Variants in EYA1 observed in about 807,000 individuals in gnomAD.
EYA1 encodes protein phosphatase EYA1.
In EYA1, 16 loss-of-function variants were observed where a neutral mutation model predicts 82.0. The observed-to-expected ratio is 0.20, with a 90% confidence interval of 0.13 to 0.30. The LOEUF (loss-of-function observed/expected upper bound fraction) is 0.30. EYA1 is among the 10% of genes least tolerant of loss of function. The probability of loss-of-function intolerance (pLI) is 1.00; values close to 1 mark genes in which losing one functional copy is unlikely to be tolerated. For synonymous variants in EYA1, 261 were observed against 264.4 expected (o/e 0.99, Z 0.12); for missense variants, 633 against 730.7 (o/e 0.87, Z 1.54).
intron 4 of EYA1, among the ~76,000 whole-genome samples, chr8:71,325,410 T>C (rs560350299): frequency 3.9e-4 from 60 of 152,306 alleles, no homozygotes; most frequent in African/African-American, 1.3e-3. Flanking sequence ...GATGGTTACA[T>C]TCCTCTGCTA....
chr8:71,282,938 G>GTTT lies in EYA1; in HGVS notation c.827-11044_827-11042dup, dbSNP rs11330984. Among the ~76,000 whole-genome samples, 713 of 131,424 alleles carry GTTT rather than the reference G, an allele frequency of 5.4e-3. 11 individuals carry two copies. Among genetic ancestry groups the GTTT allele is most frequent in the South Asian group, 8.1e-3 (34 of 4,176 alleles). The allele number at this position is 131,424 out of a possible 152,430, so 86.2% of individuals were successfully genotyped here. Reference sequence around the variant, plus strand: ...GCTCTGATCTCTTCAACACCACCTTGTTTTTTTTTTTTTTTTGCCTTGTTG... The same window carrying GTTT: ...GCTCTGATCTCTTCAACACCACCTTGTTTTTTTTTTTTTTTTTTTGCCTTGTTG... On this transcript the variant is annotated intron_variant, in intron 9 of 17. Transcript: ENST00000340726.
chr8:71,433,093 C>G (rs952844194), intron 2 of EYA1, among the ~76,000 whole-genome samples: 3 of 152,168 alleles, frequency 2.0e-5, no homozygotes, highest in African/African-American at 7.2e-5. Context: ...AAATACCAAA[C>G]TGCCCACACT....
chr8:71,210,609 C>T (rs538932296), intron 17 of EYA1, among the ~76,000 whole-genome samples: 6 of 152,240 alleles, frequency 3.9e-5, no homozygotes, highest in East Asian at 1.9e-4. Context: ...ATGGGCAAAG[C>T]GGGAGTCAAG....
intron 2 of EYA1, among the ~76,000 whole-genome samples, chr8:71,450,590 G>A (rs1807281316): frequency 6.6e-6 from 1 of 152,122 alleles, no homozygotes; most frequent in South Asian, 2.1e-4. Flanking sequence ...AATATCAGAA[G>A]AATTAACAAA....
chr8:71,471,634 A>C (rs1346179291), intron 2 of EYA1, among the ~76,000 whole-genome samples: 2 of 152,072 alleles, frequency 1.3e-5, no homozygotes, highest in African/African-American at 4.8e-5. Flanking sequence ...AATGTTAATA[A>C]ATTTTAAAAT....
At chr8:71,298,969 T>G (rs1035533929) in intron 9 of EYA1, 78 bp downstream of exon 9, 14 of 1,445,558 alleles carry the variant, frequency 9.7e-6, no homozygotes, top group Middle Eastern at 1.8e-4. Flanking sequence ...AACCACTGCA[T>G]GAATATATGA....
At chr8:71,354,736 T>G in intron 3 of EYA1, 46 bp downstream of exon 3, 1 of 1,594,708 alleles carries the variant, frequency 6.3e-7, no homozygotes, top group Non-Finnish European at 8.6e-7. Context: ...CATATACTGA[T>G]GAAGAAACAA....
chr8:71,332,061 C>T (rs1002436483), intron 4 of EYA1, among the ~76,000 whole-genome samples: 1 of 152,076 alleles, frequency 6.6e-6, no homozygotes, highest in African/African-American at 2.4e-5. Flanking sequence ...CTGTGTTGTC[C>T]AGGCTGGCCT....
At chr8:71,479,612 ACTTT>A (rs1809963002) in intron 2 of EYA1, among the ~76,000 whole-genome samples, 1 of 130,108 alleles carries the variant, frequency 7.7e-6, no homozygotes, top group South Asian at 2.5e-4. Context: ...CCTTTAGAAC[ACTTT>A]CTTTATGAAA....
intron 2 of EYA1, among the ~76,000 whole-genome samples, chr8:71,488,773 T>C (rs747961982): frequency 6.6e-5 from 10 of 152,220 alleles, no homozygotes; most frequent in Non-Finnish European, 7.3e-5. Context: ...AAAGCACAGA[T>C]TCACAAGAAC....
intron 2 of EYA1, among the ~76,000 whole-genome samples, chr8:71,436,956 T>C (rs1806055103): frequency 6.6e-6 from 1 of 151,800 alleles, no homozygotes; most frequent in South Asian, 2.1e-4. Flanking sequence ...GTTAGAGACA[T>C]TTATATTTCA....
At chr8:71,459,503 T>C (rs1808208634) in intron 2 of EYA1, among the ~76,000 whole-genome samples, 1 of 152,194 alleles carries the variant, frequency 6.6e-6, no homozygotes, top group Non-Finnish European at 1.5e-5. Flanking sequence ...GTGCCTTGCT[T>C]CTCTTGTCTC....
chr8:71,455,220 G>A (rs866773872), intron 2 of EYA1, among the ~76,000 whole-genome samples: 1 of 151,992 alleles, frequency 6.6e-6, no homozygotes, highest in Non-Finnish European at 1.5e-5. Flanking sequence ...AAGTTGAATC[G>A]CTGAATAGAC....
chr8:71,469,326 T>C (rs967132701), intron 2 of EYA1, among the ~76,000 whole-genome samples: 11 of 152,112 alleles, frequency 7.2e-5, no homozygotes, highest in African/African-American at 2.4e-4. Flanking sequence ...CAAAGGTGTA[T>C]GCAAGCCCTC....
chr8:71,270,744 G>C (rs1385605022), intron 10 of EYA1, among the ~76,000 whole-genome samples: 1 of 152,118 alleles, frequency 6.6e-6, no homozygotes, highest in Admixed American at 6.5e-5. Context: ...CCCAAAATAT[G>C]TCTCATTAGA....
chr8:71,322,114 G>A, intron 5 of EYA1, 85 bp downstream of exon 5: 2 of 1,233,878 alleles, frequency 1.6e-6, no homozygotes, highest in Non-Finnish European at 2.4e-6. Context: ...AATTAAGATG[G>A]AACATGTGGG....
At position 71,215,691 on chromosome 8, in the gene EYA1, C is replaced by G; in HGVS notation, c.1398G>C (p.Gln466His). 1 of 1,614,166 alleles carries G rather than the reference C, an allele frequency of 6.2e-7. No individual in the cohort carries two copies. The highest frequency in any genetic ancestry group is 1.1e-5 in the South Asian group (1 of 91,086). Reference protein sequence around the residue: ...LGPAKREAWLQLRAEIEALTD... With the variant: ...LGPAKREAWLHLRAEIEALTD... ...TCAGGGCTTCAATTTCGGCCCTCAA[C>G]TGCAGCCAGGCTTCCCTCTTAGCTG... is the stretch of plus-strand genomic sequence containing the variant. Residue 466 changes from glutamine (Q) to histidine (H), a missense_variant, in exon 15 of 18, where the codon CAG (glutamine) becomes CAC (histidine). Transcript: ENST00000340726.
chr8:71,416,340 C>T (rs563635193), intron 2 of EYA1, among the ~76,000 whole-genome samples: 1 of 152,302 alleles, frequency 6.6e-6, no homozygotes, highest in East Asian at 1.9e-4. Context: ...TTTCTTAGCC[C>T]TGCCTATGTC....
intron 12 of EYA1, among the ~76,000 whole-genome samples, chr8:71,241,928 G>A (rs1186752552): frequency 6.6e-6 from 1 of 152,138 alleles, no homozygotes; most frequent in African/African-American, 2.4e-5. Flanking sequence ...GATTGGCCTG[G>A]GAGCAGTGAC....
Sources: gnomAD v4.1 joint callset for allele counts (sites outside exome capture counted in the v4.1 genomes callset) on GRCh38, gnomAD v4.1.1 for gene constraint, MANE v1.5 for transcripts, NCBI Gene and HGNC (gene_info 2026-07-23, HGNC 2026-07-21) for gene names.